The following EEFSEC variants were observed in gnomAD, a reference collection of about 807,000 sequenced individuals.
EEFSEC encodes eukaryotic elongation factor, selenocysteine-tRNA specific, also known as selenocysteine-specific elongation factor.
Under a neutral mutation model 42.1 loss-of-function variants are expected in EEFSEC, and 43 were observed. The observed-to-expected ratio is 1.02, with a 90% CI of 0.80 to 1.32. The LOEUF (loss-of-function observed/expected upper bound fraction) is 1.32, where lower values mean the gene tolerates loss of function less well. Among genes scored for constraint, EEFSEC ranks in the 40% most tolerant of loss-of-function variants. The pLI, the probability that EEFSEC is intolerant of heterozygous loss-of-function variation, is 0.00. For synonymous variants in EEFSEC, 354 were observed against 339.1 expected (o/e 1.04, Z -0.48); for missense variants, 745 against 803.6 (o/e 0.93, Z 0.88).
chr3:128,181,813 TTTTG>T (rs577243539), intron 1 of EEFSEC, among the ~76,000 whole-genome samples: 122 of 152,290 alleles, frequency 8.0e-4, no homozygotes, highest in Non-Finnish European at 9.8e-4. Context: ...CTTTGTTTCT[TTTTG>T]TTTGTTTGTT....
intron 4 of EEFSEC, among the ~76,000 whole-genome samples, chr3:128,295,512 T>C (rs1044746416): frequency 1.3e-5 from 2 of 149,386 alleles, no homozygotes; most frequent in East Asian, 3.9e-4. Flanking sequence ...TATGTGTGTC[T>C]TATTAAAAGT....
chr3:128,158,418 G>T (rs1317641024), intron 1 of EEFSEC, among the ~76,000 whole-genome samples: 1 of 152,208 alleles, frequency 6.6e-6, no homozygotes, highest in Admixed American at 6.5e-5. Context: ...ACATGCTACA[G>T]ATAAATTTTT....
At chr3:128,322,964 A>G (rs2067024329) in intron 4 of EEFSEC, among the ~76,000 whole-genome samples, 2 of 152,212 alleles carry the variant, frequency 1.3e-5, no homozygotes. Flanking sequence ...ACCCCGGGGC[A>G]GAGTATTTCC....
chr3:128,291,247 A>G (rs931388198), intron 4 of EEFSEC, among the ~76,000 whole-genome samples: 2 of 152,244 alleles, frequency 1.3e-5, no homozygotes, highest in African/African-American at 2.4e-5. Flanking sequence ...ATTGATTTAT[A>G]TATTTTGAGC....
chr3:128,382,081 G>A (rs1189367320), intron 6 of EEFSEC, among the ~76,000 whole-genome samples: 2 of 152,212 alleles, frequency 1.3e-5, no homozygotes, highest in African/African-American at 4.8e-5. Context: ...TCCTCTCTGA[G>A]TCTCCTGCTC....
chr3:128,396,857 G>A (rs959844045), intron 6 of EEFSEC, among the ~76,000 whole-genome samples: 1 of 152,230 alleles, frequency 6.6e-6, no homozygotes, highest in East Asian at 1.9e-4. Context: ...TTGAGAACTG[G>A]CTGGTGCCCA....
intron 4 of EEFSEC, among the ~76,000 whole-genome samples, chr3:128,266,032 T>C (rs2066350502): frequency 6.6e-6 from 1 of 152,202 alleles, no homozygotes; most frequent in African/African-American, 2.4e-5. Flanking sequence ...GATTGAGGCC[T>C]AGGGAGGAGC....
Position 128,265,602 on chromosome 3 carries a change from C to A in EEFSEC, c.786+821C>A, listed in dbSNP as rs372625025. On this transcript the variant is annotated intron_variant, in intron 4 of 6. Coordinates refer to ENST00000254730, the MANE Select transcript of EEFSEC (RefSeq NM_021937.5). ...CTGGGGTCCAGGGCAGTTCTCTAAT[C>A]CTTGAAGGAGCCTACAGTGCAGGGA... 3.5e-4 allele frequency among the ~76,000 whole-genome samples: 53 copies of A among 152,310 alleles called. 1 individual carries two copies. The East Asian group carries it at 7.3e-3, about 21-fold the overall frequency.
rs149238586 is a variant in EEFSEC at position 128,189,152 on chromosome 3, G to A, written c.316+35329G>A. Among the ~76,000 whole-genome samples the A allele has an allele frequency of 2.2e-3, 341 of 152,268 alleles. 3 individuals are homozygous for A. The highest frequency in any genetic ancestry group is 7.8e-3 in the African/African-American group (324 of 41,566). ...GAGCAAGTCCTTCCTTTCTCAGTCC[G>A]TGGGCAGCCCCTCTGGCCATGTGGA... On this transcript the variant is annotated intron_variant, in intron 1 of 6. Coordinates refer to ENST00000254730, the MANE Select transcript of EEFSEC (RefSeq NM_021937.5).
chr3:128,195,897 A>T (rs1270658724), intron 1 of EEFSEC, among the ~76,000 whole-genome samples: 1 of 152,234 alleles, frequency 6.6e-6, no homozygotes, highest in Non-Finnish European at 1.5e-5. Flanking sequence ...TAACTATTTC[A>T]GGAAGTGTTT....
intron 4 of EEFSEC, among the ~76,000 whole-genome samples, chr3:128,301,828 A>C (rs1442439875): frequency 6.6e-6 from 1 of 152,154 alleles, no homozygotes; most frequent in Non-Finnish European, 1.5e-5. Flanking sequence ...GGGGTAGAGC[A>C]GCAGTTCCTG....
chr3:128,201,635 G>A (rs930518421), intron 1 of EEFSEC, among the ~76,000 whole-genome samples: 8 of 152,106 alleles, frequency 5.3e-5, no homozygotes, highest in Non-Finnish European at 1.0e-4. Context: ...TATATGTGTC[G>A]TGAATACCTT....
At chr3:128,399,328 C>T (rs1194207410) in intron 6 of EEFSEC, among the ~76,000 whole-genome samples, 1 of 152,040 alleles carries the variant, frequency 6.6e-6, no homozygotes, top group Non-Finnish European at 1.5e-5. Flanking sequence ...AATGGGGGTG[C>T]GGGGCGCTGG....
chr3:128,389,044 G>A (rs1204506525), intron 6 of EEFSEC, among the ~76,000 whole-genome samples: 1 of 152,244 alleles, frequency 6.6e-6, no homozygotes, highest in Admixed American at 6.5e-5. Flanking sequence ...GCAGTCTGTA[G>A]GGCAGGAGTT....
intron 2 of EEFSEC, among the ~76,000 whole-genome samples, chr3:128,259,216 C>T (rs559348425): frequency 6.6e-6 from 1 of 152,282 alleles, no homozygotes; most frequent in South Asian, 2.1e-4. Flanking sequence ...CAGAGAAGCA[C>T]TTAGAGCAAG....
intron 1 of EEFSEC, among the ~76,000 whole-genome samples, chr3:128,204,333 C>T (rs1482918693): frequency 3.3e-5 from 5 of 152,194 alleles, no homozygotes; most frequent in Admixed American, 1.3e-4. Context: ...AAGTACTTAA[C>T]ACAAAGCCTG....
At chr3:128,284,792 G>A (rs1374558095) in intron 4 of EEFSEC, among the ~76,000 whole-genome samples, 9 of 151,978 alleles carry the variant, frequency 5.9e-5, no homozygotes, top group Non-Finnish European at 1.0e-4. Flanking sequence ...TCCTGGAGCC[G>A]CCACCACCCT....
chr3:128,213,435 C>T (rs2065779434), intron 1 of EEFSEC, among the ~76,000 whole-genome samples: 1 of 152,194 alleles, frequency 6.6e-6, no homozygotes, highest in Admixed American at 6.5e-5. Flanking sequence ...TTGTCTGTAC[C>T]TGAAGAATTG....
At chr3:128,422,043 C>T in the EEFSEC span, among the ~76,000 whole-genome samples, 1 of 152,140 alleles carries the variant, frequency 6.6e-6, no homozygotes, top group Non-Finnish European at 1.5e-5. Context: ...CCAAGTTGCC[C>T]AGCACGGTGC....
Sources: gnomAD v4.1 joint callset for allele counts (sites outside exome capture counted in the v4.1 genomes callset) on GRCh38, gnomAD v4.1.1 for gene constraint, MANE v1.5 for transcripts, NCBI Gene and HGNC (gene_info 2026-07-23, HGNC 2026-07-21) for gene names.